Variants in TLE2 observed in about 807,000 individuals in gnomAD.
TLE2 encodes transducin-like enhancer protein 2.
TLE2 carries 74 observed loss-of-function variants against 97.2 expected under a neutral mutation model. The observed-to-expected ratio is 0.76, with a 90% confidence interval of 0.63 to 0.92. The LOEUF (loss-of-function observed/expected upper bound fraction) is 0.92. TLE2 is among the 40% of genes least tolerant of loss of function. The pLI is 0.00. For missense variants in TLE2, 1,038 were observed against 1,008.7 expected, an observed-to-expected ratio of 1.03 and a Z score of -0.39; for synonymous variants, 499 against 432.1, an observed-to-expected ratio of 1.15 and a Z score of -1.92.
intron 17 of TLE2, 87 bp from the exon 18 acceptor site, chr19:3,002,590 G>A: frequency 1.1e-5 from 17 of 1,485,740 alleles, no homozygotes; most frequent in Non-Finnish European, 1.5e-5. Context: ...CCAGGCTGGA[G>A]TGCAGTGGCA....
At chr19:3,025,530 C>T (rs1370725591) in intron 4 of TLE2, 2 of 994,182 alleles carry the variant, frequency 2.0e-6, no homozygotes, top group Admixed American at 6.0e-5. Flanking sequence ...TTCTTGGTCT[C>T]CTCCGCTTCC....
chr19:3,025,514 G>T (rs2089927817), intron 4 of TLE2: 2 of 998,362 alleles, frequency 2.0e-6, no homozygotes, highest in Non-Finnish European at 2.4e-6. Context: ...CCCAGGCAAG[G>T]CCCCTTTCTT....
upstream of TLE2, among the ~76,000 whole-genome samples, chr19:3,029,382 C>CA (rs1568251967): frequency 3.0e-4 from 44 of 145,156 alleles, no homozygotes; most frequent in East Asian, 8.2e-4. Flanking sequence ...CCCGCGCCCG[C>CA]GCCCCCCCCG....
At chr19:3,024,878 A>C in intron 5 of TLE2, 142 bp downstream of exon 5, 1 of 691,890 alleles carries the variant, frequency 1.4e-6, no homozygotes, top group Non-Finnish European at 2.4e-6. Flanking sequence ...GGGCTGCGGG[A>C]CTACTGCAGT....
At chr19:3,007,074 C>T (rs551742203) in intron 14 of TLE2, among the ~76,000 whole-genome samples, 30 of 151,518 alleles carry the variant, frequency 2.0e-4, no homozygotes, top group Non-Finnish European at 3.1e-4. Context: ...CGTGAGCCAC[C>T]ATGCCCAGCC....
At chr19:3,018,635 G>A (rs1276439844) in intron 7 of TLE2, among the ~76,000 whole-genome samples, 2 of 146,428 alleles carry the variant, frequency 1.4e-5, no homozygotes, top group African/African-American at 5.1e-5. Flanking sequence ...ATTTTTTTGA[G>A]ACAGAGTCTC....
At chr19:3,038,481 G>A (rs1401017126) in intron 1 of TLE2, among the ~76,000 whole-genome samples, 3 of 152,226 alleles carry the variant, frequency 2.0e-5, no homozygotes, top group African/African-American at 7.2e-5. Flanking sequence ...ACAGAGTGCT[G>A]GGATTACAGG....
At chr19:3,042,793 C>G (rs991587689) in intron 1 of TLE2, among the ~76,000 whole-genome samples, 1 of 152,032 alleles carries the variant, frequency 6.6e-6, no homozygotes, top group African/African-American at 2.4e-5. Context: ...AGTACTAGCT[C>G]GGAAGTCGGT....
chr19:2,999,513 G>A (rs2089302780), intron 19 of TLE2, among the ~76,000 whole-genome samples: 2 of 150,850 alleles, frequency 1.3e-5, no homozygotes, highest in African/African-American at 2.4e-5. Flanking sequence ...GGATCATGAG[G>A]TCAGGAGATC....
chr19:3,004,290 G>A (rs1326062958), intron 17 of TLE2, among the ~76,000 whole-genome samples: 1 of 152,118 alleles, frequency 6.6e-6, no homozygotes, highest in South Asian at 2.1e-4. Context: ...TCGGGGCCAC[G>A]GGATGGAGAG....
At chr19:3,009,828 T>C in intron 12 of TLE2, 126 bp from the exon 13 acceptor site, 3 of 1,158,288 alleles carry the variant, frequency 2.6e-6, no homozygotes, top group Non-Finnish European at 3.6e-6. Context: ...GGCCATAGCC[T>C]GGGACACCTC....
intron 19 of TLE2, among the ~76,000 whole-genome samples, chr19:2,999,109 C>G (rs62125442): frequency 0.39 from 59,511 of 151,808 alleles, 14,052 homozygotes; most frequent in East Asian, 0.64. Context: ...TGGGGAATCC[C>G]CGTCTCTACT....
At chr19:3,018,130 T>C (rs374686705) in intron 7 of TLE2, among the ~76,000 whole-genome samples, 21 of 152,088 alleles carry the variant, frequency 1.4e-4, no homozygotes, top group East Asian at 1.4e-3. Context: ...GCCGCTCTCA[T>C]TGATCCCCTC....
intron 9 of TLE2, among the ~76,000 whole-genome samples, chr19:3,015,196 C>G (rs2089676885): frequency 6.6e-6 from 1 of 152,118 alleles, no homozygotes; most frequent in Non-Finnish European, 1.5e-5. Context: ...AGAAGGGGCT[C>G]CCCAGCTGGC....
At chr19:3,008,984 C>G in intron 13 of TLE2, 39 bp from the exon 14 acceptor site, 1 of 1,508,590 alleles carries the variant, frequency 6.6e-7, no homozygotes, top group Non-Finnish European at 8.9e-7. Flanking sequence ...AGGCAGGTGA[C>G]TCCAACCCAC....
Position 3,005,375 on chromosome 19 carries a change from G to A in TLE2, c.1896+62C>T, listed in dbSNP as rs2089450922. On this transcript the variant is annotated intron_variant, in intron 17 of 19. Coordinates refer to ENST00000262953, the MANE Select transcript of TLE2 (RefSeq NM_003260.5). ...CCTCTGGAAGTGGGCACCTCACAAG[G>A]AGAGGAAGGGATGCTGTATTCCTAG... 2.3e-5 allele frequency: 36 copies of A among 1,580,982 alleles called. 1 individual carries two copies. The South Asian group carries it at 3.9e-4, about 17-fold the overall frequency.
chr19:3,046,964 T>C (rs1251478152), upstream of TLE2, among the ~76,000 whole-genome samples: 14 of 63,010 alleles, frequency 2.2e-4, no homozygotes, highest in South Asian at 6.0e-4. Flanking sequence ...CCTCCCTCCT[T>C]CTCCCCCACC....
Position 3,005,517 on chromosome 19 carries a change from T to A in TLE2, c.1816A>T (p.Thr606Ser), listed in dbSNP as rs771160191. The change falls in exon 17 of 20, where the codon ACA becomes TCA. Residue 606 changes from threonine (T) to serine (S), a missense_variant. Physicochemically the swap from Thr to Ser is moderately conservative, Grantham distance 58 (BLOSUM62 1). Coordinates refer to ENST00000262953, the MANE Select transcript of TLE2 (RefSeq NM_003260.5). Reference sequence around the variant, plus strand: ...CGCACCGTGTTGTCCAGGCCCCCTGTCCAGAGCCGAGTGCCGTAATCGGAA... The same window carrying A: ...CGCACCGTGTTGTCCAGGCCCCCTGACCAGAGCCGAGTGCCGTAATCGGAA... Reference protein sequence around the residue: ...DISDYGTRLWTGGLDNTVRCW... With the variant: ...DISDYGTRLWSGGLDNTVRCW... 2 of 1,613,626 alleles carry A rather than the reference T, an allele frequency of 1.2e-6. No homozygotes were observed. Among genetic ancestry groups the A allele is most frequent in the African/African-American group, 2.7e-5 (2 of 74,908 alleles).
Position 3,014,558 on chromosome 19 carries a change from C to T in TLE2, c.723+12G>A. On this transcript the variant is annotated intron_variant, in intron 10 of 19. Coordinates refer to ENST00000262953, the MANE Select transcript of TLE2 (RefSeq NM_003260.5). ...CCCAGAGTCGGGGAAGAGGCTGGAC[C>T]CCTGGACTCACCTCGTCCACCACCA... The T allele has an allele frequency of 2.5e-6, 4 of 1,583,516 alleles. No homozygotes were observed. Among genetic ancestry groups the T allele is most frequent in the Middle Eastern group, 3.3e-4 (2 of 5,984 alleles).
Sources: allele counts gnomAD v4.1 joint callset (sites outside exome capture counted in the v4.1 genomes callset), GRCh38; gene constraint gnomAD v4.1.1; transcripts MANE v1.5; gene names NCBI Gene and HGNC (gene_info 2026-07-23, HGNC 2026-07-21).